Variants in CDC73 observed in about 807,000 individuals in gnomAD.
The protein encoded by CDC73 is cell division cycle 73, also known as parafibromin.
A neutral mutation model predicts 83.7 loss-of-function variants in CDC73; 21 were observed. The ratio of observed to expected loss-of-function variants is 0.25; its 90% confidence interval spans 0.18 to 0.36. The LOEUF is 0.36. CDC73 is among the 10% of genes least tolerant of loss of function. The pLI is 1.00. For synonymous variants in CDC73, 224 were observed against 212.9 expected (o/e 1.05, Z -0.45); for missense variants, 342 against 653.3 (o/e 0.52, Z 5.19).
chr1:193,155,621 C>T (rs1458903715), intron 10 of CDC73, among the ~76,000 whole-genome samples: 1 of 152,060 alleles, frequency 6.6e-6, no homozygotes, highest in Non-Finnish European at 1.5e-5. Flanking sequence ...ACTAAAAATA[C>T]AAAAATTAGC....
intron 13 of CDC73, among the ~76,000 whole-genome samples, chr1:193,216,581 C>G (rs1296997478): frequency 6.6e-6 from 1 of 151,978 alleles, no homozygotes; most frequent in African/African-American, 2.4e-5. Context: ...AGGGGCTTCC[C>G]TAACTCATTC....
At chr1:193,210,756 G>T (rs564032737) in intron 11 of CDC73, among the ~76,000 whole-genome samples, 43 of 152,110 alleles carry the variant, frequency 2.8e-4, no homozygotes, top group Admixed American at 7.9e-4. Context: ...ATTTGTGTAT[G>T]TATAACATGA....
chr1:193,253,491 C>T lies in CDC73; in HGVS notation c.*2779C>T, dbSNP rs1043707313. On this transcript the variant is annotated 3_prime_UTR_variant, in exon 17 of 17. Coordinates refer to ENST00000367435, the MANE Select transcript of CDC73 (RefSeq NM_024529.5). ...TGGTATTGGCCTATATTCCCATTGA[C>T]AAATGCAATTTTTAATTATTTATTT... 1 of 232,230 alleles carries T rather than the reference C, an allele frequency of 4.3e-6. No homozygotes were observed. The highest frequency in any genetic ancestry group is 8.5e-6 in the Non-Finnish European group (1 of 117,566). 14.4% of individuals were successfully genotyped at this position (232,230 alleles called of 1,614,324 possible). A position where few individuals can be genotyped will look rare whatever the true frequency, so the allele number is the denominator to read the frequency against.
At chr1:193,187,333 T>C (rs1676831514) in intron 10 of CDC73, among the ~76,000 whole-genome samples, 1 of 152,208 alleles carries the variant, frequency 6.6e-6, no homozygotes, top group Non-Finnish European at 1.5e-5. Flanking sequence ...ATGTAATAGA[T>C]ATAGCACACT....
At chr1:193,231,879 A>T (rs947294198) in intron 13 of CDC73, among the ~76,000 whole-genome samples, 2 of 152,160 alleles carry the variant, frequency 1.3e-5, no homozygotes, top group African/African-American at 4.8e-5. Flanking sequence ...TTAGAAGCAG[A>T]ATGATACTCT....
rs527903619 is a variant in CDC73, at chr1:193,201,254, G to C, written c.973-2541G>C. 1.6e-4 allele frequency among the ~76,000 whole-genome samples: 25 copies of C among 152,222 alleles called. No individual in the cohort carries two copies. The South Asian group carries it at 5.2e-3, about 32-fold the overall frequency. On this transcript the variant is annotated intron_variant, in intron 10 of 16. Transcript: ENST00000367435. ...CTGAGGCAAATGAAAGTGTGTGTGG[G>C]GTTTGTAGAGTGCTGAGATGGGAGA...
intron 13 of CDC73, among the ~76,000 whole-genome samples, chr1:193,229,569 G>T (rs1002351788): frequency 6.6e-6 from 1 of 152,162 alleles, no homozygotes; most frequent in African/African-American, 2.4e-5. Flanking sequence ...TCTTGGCTTC[G>T]TAGCCTCCAG....
chr1:193,212,289 C>A, intron 12 of CDC73, 101 bp from the exon 13 acceptor site: 2 of 920,966 alleles, frequency 2.2e-6, no homozygotes, highest in South Asian at 1.7e-5. Context: ...TTTTTTAGAT[C>A]AAAAGTTAAA....
intron 13 of CDC73, among the ~76,000 whole-genome samples, chr1:193,218,581 A>G (rs981503217): frequency 9.2e-5 from 14 of 152,238 alleles, no homozygotes; most frequent in African/African-American, 2.7e-4. Flanking sequence ...GACCAATGGA[A>G]CAAGTTAGAG....
intron 13 of CDC73, among the ~76,000 whole-genome samples, chr1:193,217,600 A>C (rs1259011862): frequency 6.6e-6 from 1 of 151,090 alleles, no homozygotes; most frequent in Non-Finnish European, 1.5e-5. Flanking sequence ...CCTCACATCC[A>C]GCTGCTTGTG....
chr1:193,221,134 T>C (rs769648605), intron 13 of CDC73, among the ~76,000 whole-genome samples: 2 of 152,128 alleles, frequency 1.3e-5, no homozygotes, highest in Non-Finnish European at 2.9e-5. Context: ...AGCCAAATAA[T>C]GAGTACTAAG....
At chr1:193,173,806 G>T (rs1676559275) in intron 10 of CDC73, among the ~76,000 whole-genome samples, 1 of 152,036 alleles carries the variant, frequency 6.6e-6, no homozygotes, top group Admixed American at 6.5e-5. Context: ...ACACATTTAT[G>T]ACATGATTTG....
intron 6 of CDC73, 31 bp from the exon 7 acceptor site, chr1:193,141,818 CT>C: frequency 7.3e-7 from 1 of 1,361,326 alleles, no homozygotes; most frequent in Non-Finnish European, 1.0e-6. Flanking sequence ...GGAATGCCTG[CT>C]GTGAAAATTT....
At position 193,147,932 on chromosome 1, in the gene CDC73, T is replaced by C. The variant is rs1060503804; in HGVS notation, c.795T>C (p.Pro265=). 1.2e-6 allele frequency: 2 copies of C among 1,613,502 alleles called. No homozygotes were observed. The highest frequency in any genetic ancestry group is 2.2e-5 in the South Asian group (2 of 91,054). The stretch of plus-strand genomic sequence containing the variant: ...AAGCCAGAGAAGAAGGGCGTGCACC[T>C]GAACAGCGACCTGCCCCAAATGCAG... The part of the protein sequence containing the change: ...SVKAREEGRA[P]EQRPAPNAAP... The change falls in exon 8 of 17, where the codon CCT becomes CCC. Residue 265 remains proline, a synonymous_variant. Transcript: ENST00000367435.
At chr1:193,238,852 A>G (rs1261211927) in intron 15 of CDC73, among the ~76,000 whole-genome samples, 1 of 152,224 alleles carries the variant, frequency 6.6e-6, no homozygotes, top group Non-Finnish European at 1.5e-5. Flanking sequence ...CATTGTCTTC[A>G]CATTGAGTAG....
At chr1:193,236,224 C>T (rs750252081) in intron 14 of CDC73, 32 bp from the exon 15 acceptor site, 1 of 1,346,410 alleles carries the variant, frequency 7.4e-7, no homozygotes, top group Non-Finnish European at 1.1e-6. Context: ...CGTCTGTCCC[C>T]TACCTCCCCC....
At chr1:193,232,517 C>T (rs1284798909) in intron 13 of CDC73, among the ~76,000 whole-genome samples, 2 of 152,118 alleles carry the variant, frequency 1.3e-5, no homozygotes, top group African/African-American at 2.4e-5. Flanking sequence ...ATTTGGTATA[C>T]AGAGGAAAGA....
At chr1:193,195,759 T>C (rs1181862738) in intron 10 of CDC73, among the ~76,000 whole-genome samples, 1 of 152,200 alleles carries the variant, frequency 6.6e-6, no homozygotes, top group Non-Finnish European at 1.5e-5. Context: ...TAACGATTAG[T>C]GATGTCTGGT....
At chr1:193,231,313 TAAAAC>T (rs1296704107) in intron 13 of CDC73, among the ~76,000 whole-genome samples, 1 of 152,196 alleles carries the variant, frequency 6.6e-6, no homozygotes, top group Non-Finnish European at 1.5e-5. Context: ...TAGACTGAGA[TAAAAC>T]AAAGCATTTC....
Sources: gnomAD v4.1 joint callset for allele counts (sites outside exome capture counted in the v4.1 genomes callset) on GRCh38, gnomAD v4.1.1 for gene constraint, MANE v1.5 for transcripts, NCBI Gene and HGNC (gene_info 2026-07-23, HGNC 2026-07-21) for gene names.